The following MAGI2 variants were observed in gnomAD, a reference collection of about 807,000 sequenced individuals.
MAGI2 encodes membrane associated guanylate kinase, WW and PDZ domain containing 2, also known as membrane-associated guanylate kinase, WW and PDZ domain-containing protein 2.
Under a neutral mutation model 133.3 loss-of-function variants are expected in MAGI2, and 35 were observed. The observed-to-expected ratio is 0.26, with a 90% confidence interval of 0.20 to 0.35. The LOEUF (loss-of-function observed/expected upper bound fraction) is 0.35. MAGI2 is among the 10% of genes least tolerant of loss of function. MAGI2 has a pLI of 1.00. For missense variants in MAGI2, 1,636 were observed against 1,863.4 expected, an observed-to-expected ratio of 0.88 and a Z score of 2.25; for synonymous variants, 729 against 710.6, an observed-to-expected ratio of 1.03 and a Z score of -0.41.
chr7:79,197,983 A>T (rs1828240894), intron 1 of MAGI2, among the ~76,000 whole-genome samples: 1 of 151,956 alleles, frequency 6.6e-6, no homozygotes, highest in South Asian at 2.1e-4. Context: ...GTGGTGTCTC[A>T]ATCCTGTAAT....
Position 78,667,833 on chromosome 7 carries a change from T to G in MAGI2, c.419-40594A>C, listed in dbSNP as rs182035868. On this transcript the variant is annotated intron_variant, in intron 2 of 21. Transcript: ENST00000354212. Reference sequence around the variant, plus strand: ...GGTTCCAAGTCTTTGCTATTGTGAATAGTACCGCAATAAACATACGTGTGC... The same window carrying G: ...GGTTCCAAGTCTTTGCTATTGTGAAGAGTACCGCAATAAACATACGTGTGC... Among the ~76,000 whole-genome samples, 309 of 152,292 alleles carry G rather than the reference T, an allele frequency of 2.0e-3. 1 individual carries two copies. The highest frequency in any genetic ancestry group is 7.3e-3 in the African/African-American group (302 of 41,558).
At chr7:78,137,929 A>AT (rs1169506595) in intron 16 of MAGI2, among the ~76,000 whole-genome samples, 2 of 3,636 alleles carry the variant, frequency 5.5e-4, no homozygotes, top group East Asian at 5.7e-3. Context: ...GCTAAGTGAT[A>AT]ATATATGTGT....
chr7:78,365,265 T>C (rs7809154), intron 7 of MAGI2, among the ~76,000 whole-genome samples: 2 of 152,154 alleles, frequency 1.3e-5, no homozygotes, highest in Non-Finnish European at 2.9e-5. Flanking sequence ...CTCACATTGT[T>C]GGGCATTCTG....
rs543498134 is a variant in MAGI2, at chr7:78,541,716, T to C, written c.539-20071A>G. Among the ~76,000 whole-genome samples, 3 of 152,320 alleles carry C rather than the reference T, an allele frequency of 2.0e-5. No homozygotes were observed. The East Asian group carries it at 5.8e-4, about 29-fold the overall frequency. ...CTGGGCATGGGTCACTCTAGGTCATTAGAATGCACGTTACTATCTAAGAAC... is the reference window on the plus strand; with the variant it reads ...CTGGGCATGGGTCACTCTAGGTCATCAGAATGCACGTTACTATCTAAGAAC... On this transcript the variant is annotated intron_variant, in intron 3 of 21. Coordinates refer to ENST00000354212, the MANE Select transcript of MAGI2 (RefSeq NM_012301.4).
In MAGI2 at chr7:78,775,980, A is replaced by C. The variant is rs184633473; in HGVS notation, c.419-148741T>G. Among the ~76,000 whole-genome samples, 11 of 152,232 alleles carry C rather than the reference A, an allele frequency of 7.2e-5. No individual in the cohort carries two copies. In the East Asian group the frequency reaches 1.9e-3, roughly 27 times the overall value. ...CAAAAGGCTCAGTCTTAGGAACTGG[A>C]CTCTGTCTCTGGGTTTAAAGCCTTT... On this transcript the variant is annotated intron_variant, in intron 2 of 21. Transcript: ENST00000354212.
chr7:78,823,293 G>A (rs1790286476), intron 2 of MAGI2, among the ~76,000 whole-genome samples: 2 of 151,852 alleles, frequency 1.3e-5, no homozygotes, highest in Non-Finnish European at 2.9e-5. Flanking sequence ...TTTGAAATAC[G>A]ACACTGTCGG....
intron 2 of MAGI2, among the ~76,000 whole-genome samples, chr7:78,825,839 T>G (rs1461092017): frequency 6.6e-6 from 1 of 152,140 alleles, no homozygotes; most frequent in Non-Finnish European, 1.5e-5. Flanking sequence ...AACTGAAAAA[T>G]TGAGATGTCT....
chr7:78,556,584 C>T (rs2150722643), intron 3 of MAGI2, among the ~76,000 whole-genome samples: 1 of 152,292 alleles, frequency 6.6e-6, no homozygotes, highest in African/African-American at 2.4e-5. Flanking sequence ...AAGCAATACC[C>T]TCTCTATCTA....
intron 5 of MAGI2, among the ~76,000 whole-genome samples, chr7:78,492,463 C>T (rs1381640076): frequency 6.6e-6 from 1 of 152,070 alleles, no homozygotes; most frequent in Admixed American, 6.6e-5. Context: ...TTTGCATGCT[C>T]CTCCAAGATT....
At chr7:78,915,341 G>C (rs1798706351) in intron 2 of MAGI2, among the ~76,000 whole-genome samples, 1 of 152,038 alleles carries the variant, frequency 6.6e-6, no homozygotes, top group African/African-American at 2.4e-5. Flanking sequence ...TGAATACTAG[G>C]GAGAGCCTAT....
At chr7:78,135,286 T>C in intron 16 of MAGI2, 80 bp from the exon 17 acceptor site, 3 of 1,152,696 alleles carry the variant, frequency 2.6e-6, no homozygotes, top group Non-Finnish European at 2.5e-6. Flanking sequence ...AAGGAAACAA[T>C]GAAATGTCAG....
At chr7:78,596,277 A>C (rs1804605264) in intron 3 of MAGI2, among the ~76,000 whole-genome samples, 1 of 152,026 alleles carries the variant, frequency 6.6e-6, no homozygotes, top group Non-Finnish European at 1.5e-5. Flanking sequence ...GGATGATACC[A>C]CACTGGAGAG....
At chr7:78,589,203 A>G (rs1477293622) in intron 3 of MAGI2, among the ~76,000 whole-genome samples, 1 of 152,198 alleles carries the variant, frequency 6.6e-6, no homozygotes, top group East Asian at 1.9e-4. Context: ...CATCATCATC[A>G]TCACCATCAC....
chr7:78,921,798 A>AT (rs1426945999), intron 2 of MAGI2, among the ~76,000 whole-genome samples: 1 of 151,832 alleles, frequency 6.6e-6, no homozygotes, highest in African/African-American at 2.4e-5. Context: ...CGCCCAGCTA[A>AT]TTTTTTTGTA....
At chr7:78,559,454 A>G (rs1446794516) in intron 3 of MAGI2, among the ~76,000 whole-genome samples, 1 of 152,142 alleles carries the variant, frequency 6.6e-6, no homozygotes, top group Non-Finnish European at 1.5e-5. Context: ...AAGCAATGGT[A>G]TTTTCTGTGG....
chr7:78,658,890 T>C (rs1039857532), intron 2 of MAGI2, among the ~76,000 whole-genome samples: 4 of 152,086 alleles, frequency 2.6e-5, no homozygotes, highest in Non-Finnish European at 5.9e-5. Flanking sequence ...GAAAACAAAT[T>C]GATCGTTCTC....
intron 2 of MAGI2, among the ~76,000 whole-genome samples, chr7:78,876,488 A>G (rs990149922): frequency 1.3e-5 from 2 of 152,144 alleles, no homozygotes; most frequent in African/African-American, 2.4e-5. Context: ...CACACACATT[A>G]ACTTACAGAT....
intron 1 of MAGI2, among the ~76,000 whole-genome samples, chr7:79,288,015 G>A (rs1737759794): frequency 6.6e-6 from 1 of 152,016 alleles, no homozygotes; most frequent in Admixed American, 6.6e-5. Flanking sequence ...TAAGAACTAT[G>A]AACATTTTAG....
intron 2 of MAGI2, among the ~76,000 whole-genome samples, chr7:78,957,037 G>A (rs77944983): frequency 0.038 from 5,785 of 152,062 alleles, 159 homozygotes; most frequent in Middle Eastern, 0.088. Flanking sequence ...GCCGAGGTGG[G>A]TGGATCACCT....
Sources: allele counts gnomAD v4.1 joint callset (sites outside exome capture counted in the v4.1 genomes callset), GRCh38; gene constraint gnomAD v4.1.1; transcripts MANE v1.5; gene names NCBI Gene and HGNC (gene_info 2026-07-23, HGNC 2026-07-21).